ZNF709: variants seen among roughly 807,000 people sequenced by gnomAD.
ZNF709 encodes zinc finger protein 709.
ZNF709 carries 15 observed loss-of-function variants against 10.6 expected under a neutral mutation model. That is an observed-to-expected ratio of 1.41 (90% confidence interval 0.95 to 2.18). ZNF709 has a LOEUF of 2.18. Ranked by LOEUF, ZNF709 falls within the 30% of genes most tolerant of loss-of-function variation. ZNF709 has a pLI of 0.00. For synonymous variants in ZNF709, 194 were observed against 238.8 expected (o/e 0.81, Z 1.73); for missense variants, 589 against 774.0 (o/e 0.76, Z 2.84).
rs1970533787 is a variant in ZNF709, at chr19:12,463,509, C to T, written c.*487G>A. On this transcript the variant is annotated 3_prime_UTR_variant, in exon 4 of 4. Coordinates refer to ENST00000397732, the MANE Select transcript of ZNF709 (RefSeq NM_152601.4). ...CATATGACCATTGAAGGTTTTCCCA[C>T]ACTGCCTACATTCGCAGGGTTTCCT... 1 of 152,394 alleles carries T rather than the reference C, an allele frequency of 6.6e-6. No homozygotes were observed. Among genetic ancestry groups the T allele is most frequent in the African/African-American group, 2.4e-5 (1 of 41,444 alleles). The allele number at this position is 152,394 out of a possible 1,614,324, so 9.4% of individuals were successfully genotyped here. A position where few individuals can be genotyped will look rare whatever the true frequency, so the allele number is the denominator to read the frequency against.
At position 12,466,536 on chromosome 19, in the gene ZNF709, GA is replaced by G; in HGVS notation, c.131-18del. 6.2e-7 allele frequency: 1 copy of G among 1,613,590 alleles called. No homozygotes were observed. The highest frequency in any genetic ancestry group is 8.5e-7 in the Non-Finnish European group (1 of 1,179,836). On this transcript the variant is annotated intron_variant, in intron 2 of 3. Transcript: ENST00000397732. ...AGTTTTCCCCTAAAATGCAGGCCCA[GA>G]AAAATCATTAAACCTATTCGAAATT...
rs60000717 is a variant in ZNF709, at chr19:12,463,926, C to CAAAAA, written c.*65_*69dup. ...AGGGCAACAGAGTGAGAATTCAACT[C>CAAAAA]AAAAAAAAAAAAAAAAAAAAAGGAA... On this transcript the variant is annotated 3_prime_UTR_variant, in exon 4 of 4. Transcript: ENST00000397732. The CAAAAA allele has an allele frequency of 2.2e-3, 1,988 of 914,214 alleles. No homozygotes were observed. Among genetic ancestry groups the CAAAAA allele is most frequent in the Non-Finnish European group, 2.4e-3 (1,699 of 698,180 alleles). The allele number at this position is 914,214 out of a possible 1,614,324, so 56.6% of individuals were successfully genotyped here. A position where few individuals can be genotyped will look rare whatever the true frequency, so the allele number is the denominator to read the frequency against.
intron 1 of ZNF709, among the ~76,000 whole-genome samples, chr19:12,479,641 C>T (rs1970705296): frequency 6.6e-6 from 1 of 152,116 alleles, no homozygotes; most frequent in South Asian, 2.1e-4. Context: ...GAGACCAAGG[C>T]AGGTGGATCG....
At position 12,464,340 on chromosome 19, in the gene ZNF709, C is replaced by T; in HGVS notation, c.1582G>A (p.Gly528Arg). ...TGTTTACATTCATAGGGTTTCTCCC[C>T]AGTGTGAGTCCTTTCATGCATTCGA... ...SFRMHERTHT[G>R]EKPYECKQCG... The change falls in exon 4 of 4, where the codon GGG (glycine) becomes AGG (arginine). Residue 528 changes from glycine (G) to arginine (R), a missense_variant. Coordinates refer to ENST00000397732, the MANE Select transcript of ZNF709 (RefSeq NM_152601.4). 1 of 1,611,142 alleles carries T rather than the reference C, an allele frequency of 6.2e-7. No individual in the cohort carries two copies. Among genetic ancestry groups the T allele is most frequent in the Non-Finnish European group, 8.5e-7 (1 of 1,178,648 alleles).
chr19:12,471,085 T>C (rs938456462), intron 1 of ZNF709, among the ~76,000 whole-genome samples: 31 of 152,186 alleles, frequency 2.0e-4, no homozygotes, highest in African/African-American at 6.8e-4. Flanking sequence ...CTGTGAGCAC[T>C]GGGTCTCTAA....
At chr19:12,471,740 C>T (rs766557478) in intron 1 of ZNF709, among the ~76,000 whole-genome samples, 1 of 152,188 alleles carries the variant, frequency 6.6e-6, no homozygotes, top group African/African-American at 2.4e-5. Flanking sequence ...GCAGAAGGGA[C>T]ACACTGTTGT....
Position 12,465,619 on chromosome 19 carries a change from T to C in ZNF709, c.303A>G (p.Pro101=). The C allele has an allele frequency of 6.2e-7, 1 of 1,613,850 alleles. No individual in the cohort carries two copies. The highest frequency in any genetic ancestry group is 8.5e-7 in the Non-Finnish European group (1 of 1,179,978). ...CCTTTCCACACACACTACATTCATATGGTTTTACTCTAGTAAAAGTTTTCT... is the reference window on the plus strand; with the variant it reads ...CCTTTCCACACACACTACATTCATACGGTTTTACTCTAGTAAAAGTTTTCT... ...PNKKTFTRVK[P]YECSVCGKDY... is the part of the protein sequence containing the mutation. The change falls in exon 4 of 4, where the codon CCA becomes CCG. Residue 101 remains proline, a synonymous_variant. Transcript: ENST00000397732.
chr19:12,470,240 C>T (rs995552296), intron 1 of ZNF709, among the ~76,000 whole-genome samples: 18 of 152,160 alleles, frequency 1.2e-4, no homozygotes, highest in African/African-American at 4.3e-4. Flanking sequence ...CATTAACCTA[C>T]TGATGTCCAT....
intron 1 of ZNF709, among the ~76,000 whole-genome samples, chr19:12,467,493 A>G (rs1599632408): frequency 6.6e-6 from 1 of 151,544 alleles, no homozygotes; most frequent in African/African-American, 2.4e-5. Context: ...GCTCGCTACA[A>G]CCTCCACCTC....
chr19:12,464,349 T>A lies in ZNF709; in HGVS notation c.1573A>T (p.Thr525Ser), dbSNP rs369223808. The A allele has an allele frequency of 1.4e-5, 23 of 1,611,628 alleles. No individual in the cohort carries two copies. Among genetic ancestry groups the A allele is most frequent in the Non-Finnish European group, 2.0e-5 (23 of 1,178,924 alleles). ...TCATAGGGTTTCTCCCCAGTGTGAG[T>A]CCTTTCATGCATTCGAAAGGAACTG... ...CSSSFRMHER[T>S]HTGEKPYECK... is the part of the protein sequence containing the mutation. The change falls in exon 4 of 4, where the codon ACT becomes TCT. Residue 525 changes from threonine to serine, a missense_variant. Transcript: ENST00000397732.
chr19:12,480,277 A>G (rs1344990375), intron 1 of ZNF709, among the ~76,000 whole-genome samples: 1 of 152,210 alleles, frequency 6.6e-6, no homozygotes. Flanking sequence ...ACCATCTCAC[A>G]CTGGGAGGTG....
chr19:12,470,474 T>C (rs1261643498), intron 1 of ZNF709, among the ~76,000 whole-genome samples: 2 of 152,170 alleles, frequency 1.3e-5, no homozygotes, highest in East Asian at 1.9e-4. Flanking sequence ...ATTAGTAAAA[T>C]GTTAACCTAA....
chr19:12,483,366 C>T (rs1022472167), intron 1 of ZNF709, among the ~76,000 whole-genome samples: 3 of 141,766 alleles, frequency 2.1e-5, no homozygotes, highest in African/African-American at 8.0e-5. Context: ...GTCACCTAGG[C>T]TGGTCTTGAA....
intron 1 of ZNF709, among the ~76,000 whole-genome samples, chr19:12,481,905 T>G (rs1181506990): frequency 1.5e-5 from 1 of 65,688 alleles, no homozygotes; most frequent in Non-Finnish European, 3.0e-5. Flanking sequence ...AGTGAGACAC[T>G]GACTTAAAAA....
intron 1 of ZNF709, among the ~76,000 whole-genome samples, chr19:12,482,981 G>C (rs1374174935): frequency 2.6e-5 from 4 of 152,162 alleles, no homozygotes; most frequent in African/African-American, 9.7e-5. Flanking sequence ...AATCAAAGGG[G>C]AGGCTGAGGC....
At chr19:12,466,026 C>T (rs368950064) in intron 3 of ZNF709, among the ~76,000 whole-genome samples, 3 of 151,824 alleles carry the variant, frequency 2.0e-5, no homozygotes, top group African/African-American at 4.8e-5. Flanking sequence ...CTGCAACCTC[C>T]GTCTCCTGGG....
At chr19:12,467,981 G>GT (rs1471795660) in intron 1 of ZNF709, among the ~76,000 whole-genome samples, 1 of 151,252 alleles carries the variant, frequency 6.6e-6, no homozygotes, top group African/African-American at 2.4e-5. Flanking sequence ...AGGGAGGTGG[G>GT]GGTCAGCCCC....
chr19:12,477,457 A>G (rs1300667459), intron 1 of ZNF709, among the ~76,000 whole-genome samples: 1 of 152,182 alleles, frequency 6.6e-6, no homozygotes, highest in African/African-American at 2.4e-5. Context: ...ATTTTAGGAC[A>G]CTGGGTGCCA....
rs553088240 is a variant in ZNF709, at chr19:12,462,391, C to A, written c.*1605G>T. On this transcript the variant is annotated 3_prime_UTR_variant, in exon 4 of 4. Coordinates refer to ENST00000397732, the MANE Select transcript of ZNF709 (RefSeq NM_152601.4). ...ATAGAAAACATAGGTCACAACATAA[C>A]CCATGTTAACACAATCCAGGACAGC... 6.6e-6 allele frequency: 1 copy of A among 152,150 alleles called. No homozygotes were observed. The highest frequency in any genetic ancestry group is 1.5e-5 in the Non-Finnish European group (1 of 68,032). The allele number at this position is 152,150 out of a possible 1,614,324, so 9.4% of individuals were successfully genotyped here. A position where few individuals can be genotyped will look rare whatever the true frequency, so the allele number is the denominator to read the frequency against.
Sources: gnomAD v4.1 joint callset for allele counts (sites outside exome capture counted in the v4.1 genomes callset) on GRCh38, gnomAD v4.1.1 for gene constraint, MANE v1.5 for transcripts, NCBI Gene and HGNC (gene_info 2026-07-23, HGNC 2026-07-21) for gene names.